TRPS1: variants seen among roughly 807,000 people sequenced by gnomAD.
TRPS1 encodes zinc finger transcription factor Trps1.
A neutral mutation model predicts 101.2 loss-of-function variants in TRPS1; 6 were observed. The observed-to-expected ratio is 0.06, with a 90% CI of 0.03 to 0.12. TRPS1 has a LOEUF of 0.12. Ranked by LOEUF, TRPS1 falls within the 10% of genes least tolerant of loss-of-function variation. The pLI is 1.00. For missense variants in TRPS1, 1,363 were observed against 1,567.0 expected (o/e 0.87, Z 2.20); for synonymous variants, 578 against 589.8 (o/e 0.98, Z 0.29).
chr8:115,647,996 G>T (rs930044093), intron 1 of TRPS1, among the ~76,000 whole-genome samples: 4 of 151,990 alleles, frequency 2.6e-5, no homozygotes, highest in Non-Finnish European at 4.4e-5. Context: ...GCCTCTTACA[G>T]TTTGCCCAAT....
chr8:115,662,775 A>G (rs1480111516), intron 1 of TRPS1, among the ~76,000 whole-genome samples: 1 of 151,942 alleles, frequency 6.6e-6, no homozygotes, highest in Admixed American at 6.6e-5. Flanking sequence ...AGAAAAAAAG[A>G]GCTGCCTGTA....
intron 5 of TRPS1, among the ~76,000 whole-genome samples, chr8:115,533,354 T>C (rs1816182067): frequency 1.3e-5 from 2 of 150,448 alleles, no homozygotes; most frequent in African/African-American, 4.9e-5. Flanking sequence ...CTGTCTACAA[T>C]GCCACACAGG....
At chr8:115,535,240 TATAGC>T (rs1463143756) in intron 5 of TRPS1, among the ~76,000 whole-genome samples, 1 of 74,494 alleles carries the variant, frequency 1.3e-5, no homozygotes, top group African/African-American at 5.4e-5. Context: ...ATATAGCATA[TATAGC>T]ATATATAGCA....
At chr8:115,460,443 G>T (rs1814140583) in intron 5 of TRPS1, among the ~76,000 whole-genome samples, 1 of 151,650 alleles carries the variant, frequency 6.6e-6, no homozygotes, top group South Asian at 2.1e-4. Flanking sequence ...AAAAATCAGG[G>T]TTTTTTTCCT....
At chr8:115,594,212 TA>T (rs1817738433) in intron 4 of TRPS1, among the ~76,000 whole-genome samples, 1 of 152,048 alleles carries the variant, frequency 6.6e-6, no homozygotes, top group African/African-American at 2.4e-5. Flanking sequence ...TAAGCCAAAC[TA>T]ATTTCAAATT....
intron 1 of TRPS1, chr8:115,668,037 G>C (rs935204455): frequency 2.6e-6 from 2 of 766,152 alleles, no homozygotes; most frequent in African/African-American, 1.7e-5. Context: ...CAGCGAGGGG[G>C]AGTGGGGCTG....
chr8:115,649,970 T>C (rs1011793351), intron 1 of TRPS1, among the ~76,000 whole-genome samples: 1 of 152,180 alleles, frequency 6.6e-6, no homozygotes, highest in African/African-American at 2.4e-5. Context: ...AAAACATCCA[T>C]TTCCTTCCTC....
chr8:115,491,091 G>A (rs1365154587), intron 5 of TRPS1, among the ~76,000 whole-genome samples: 2 of 152,134 alleles, frequency 1.3e-5, no homozygotes, highest in Non-Finnish European at 2.9e-5. Flanking sequence ...CTTCTGAGGT[G>A]CTAACTGGGA....
At chr8:115,582,413 A>C (rs941067893) in intron 5 of TRPS1, among the ~76,000 whole-genome samples, 2 of 152,206 alleles carry the variant, frequency 1.3e-5, no homozygotes, top group Non-Finnish European at 2.9e-5. Context: ...CAATCTTTAA[A>C]CTATAAATTT....
chr8:115,604,401 A>C lies in TRPS1; in HGVS notation c.1568T>G (p.Phe523Cys), dbSNP rs367958324. 2.5e-6 allele frequency: 4 copies of C among 1,613,776 alleles called. No individual in the cohort carries two copies. Among genetic ancestry groups the C allele is most frequent in the Admixed American group, 1.7e-5 (1 of 59,968 alleles). ...KSSSGAKKKD[F>C]SSKGAEDNMV... The stretch of plus-strand genomic sequence containing the variant: ...ATTATCCTCGGCTCCCTTGCTGGAG[A>C]AGTCCTTCTTTTTAGCCCCACTCGA... The change falls in exon 4 of 7, where the codon TTC (phenylalanine) becomes TGC (cysteine). Residue 523 changes from phenylalanine (F) to cysteine (C), a missense_variant. By Grantham distance (205) the Phe-to-Cys change is radical. This residue lies in a region of TRPS1 where 1,020 missense variants were observed against 1,073.0 expected (regional missense o/e 0.95). Transcript: ENST00000395715. This position sits in a 1 kb window ranked among gnomAD's most constrained non-coding sequence, Gnocchi z 4.1.
chr8:115,447,056 A>T (rs1813755334), intron 5 of TRPS1, among the ~76,000 whole-genome samples: 1 of 152,130 alleles, frequency 6.6e-6, no homozygotes, highest in Non-Finnish European at 1.5e-5. Flanking sequence ...GAATCACTAT[A>T]GTTATAAGTT....
intron 5 of TRPS1, among the ~76,000 whole-genome samples, chr8:115,479,058 AT>A (rs146031250): frequency 0.021 from 3,245 of 151,770 alleles, 121 homozygotes; most frequent in African/African-American, 0.069. Flanking sequence ...AGCCACGAGT[AT>A]TTTGGGGGGA....
At chr8:115,492,608 A>G (rs764509054) in intron 5 of TRPS1, among the ~76,000 whole-genome samples, 10 of 152,098 alleles carry the variant, frequency 6.6e-5, no homozygotes, top group Non-Finnish European at 1.0e-4. Context: ...TAATTAAATG[A>G]CCCAAAGTCA....
chr8:115,440,786 A>C (rs930298425), intron 5 of TRPS1, among the ~76,000 whole-genome samples: 1 of 152,208 alleles, frequency 6.6e-6, no homozygotes, highest in East Asian at 1.9e-4. Context: ...ACATTATCAA[A>C]CCACAATGCC....
chr8:115,627,451 T>C (rs1818534701), intron 1 of TRPS1, among the ~76,000 whole-genome samples: 2 of 151,944 alleles, frequency 1.3e-5, no homozygotes, highest in African/African-American at 2.4e-5. Context: ...AAACTTAGGC[T>C]ATTTCAACTG....
chr8:115,552,923 A>C (rs751155879), intron 5 of TRPS1, among the ~76,000 whole-genome samples: 2 of 152,104 alleles, frequency 1.3e-5, no homozygotes, highest in Non-Finnish European at 2.9e-5. Flanking sequence ...GAAATAACTA[A>C]TTAAATTTGA....
At chr8:115,535,260 T>TAGCATATAC (rs1816270669) in intron 5 of TRPS1, among the ~76,000 whole-genome samples, 1 of 146,266 alleles carries the variant, frequency 6.8e-6, no homozygotes, top group Non-Finnish European at 1.5e-5. Context: ...ATAGCATATA[T>TAGCATATAC]ATAGCATATA....
chr8:115,483,217 G>C (rs910336839), intron 5 of TRPS1, among the ~76,000 whole-genome samples: 3 of 152,084 alleles, frequency 2.0e-5, no homozygotes, highest in African/African-American at 7.2e-5. Flanking sequence ...CATCACCTTA[G>C]ATTCTTTGCT....
At chr8:115,599,469 T>G (rs899439253) in intron 4 of TRPS1, among the ~76,000 whole-genome samples, 21 of 152,200 alleles carry the variant, frequency 1.4e-4, no homozygotes, top group African/African-American at 5.1e-4. Context: ...TAGGTATTTG[T>G]CCTAATGCTC....
Sources: allele counts gnomAD v4.1 joint callset (sites outside exome capture counted in the v4.1 genomes callset), GRCh38; gene constraint gnomAD v4.1.1; regional missense constraint gnomAD v4.1.1; non-coding constraint Gnocchi (gnomAD v3.1); transcripts MANE v1.5; gene names NCBI Gene and HGNC (gene_info 2026-07-23, HGNC 2026-07-21).